NRXN3: variants seen among roughly 807,000 people sequenced by gnomAD.
The protein encoded by NRXN3 is neurexin 3.
A neutral mutation model predicts 137.6 loss-of-function variants in NRXN3; 32 were observed. That is an observed-to-expected ratio of 0.23 (90% CI 0.18 to 0.31). The LOEUF (loss-of-function observed/expected upper bound fraction) is 0.31. Among genes scored for constraint, NRXN3 ranks in the 10% least tolerant of loss-of-function variants. NRXN3 has a pLI of 1.00. For synonymous variants in NRXN3, 798 were observed against 784.5 expected (o/e 1.02, Z -0.29); for missense variants, 1,574 against 2,062.5 (o/e 0.76, Z 4.59).
In NRXN3 at chr14:79,033,222, A is replaced by C. The variant is rs150754623; in HGVS notation, c.3262+45081A>C. 5.1e-3 allele frequency among the ~76,000 whole-genome samples: 769 copies of C among 152,014 alleles called. 8 individuals carry two copies. Among genetic ancestry groups the C allele is most frequent in the African/African-American group, 0.018 (732 of 41,472 alleles). ...GATGCCCCTCTTAAATGCAGGGTTA[A>C]CCTCTATCGTACATTTCACACCTTG... On this transcript the variant is annotated intron_variant, in intron 15 of 20. Transcript: ENST00000335750.
chr14:78,495,130 T>C (rs980726922), intron 4 of NRXN3, among the ~76,000 whole-genome samples: 25 of 33,020 alleles, frequency 7.6e-4, no homozygotes, highest in Admixed American at 5.9e-3. Context: ...GGGGTGTGTG[T>C]GTGCGTGCGT....
chr14:79,677,230 ATAAT>A (rs2098645599), intron 17 of NRXN3, among the ~76,000 whole-genome samples: 1 of 152,064 alleles, frequency 6.6e-6, no homozygotes, highest in African/African-American at 2.4e-5. Context: ...ATTGCCAAGT[ATAAT>A]TAAACAAAAT....
At chr14:79,205,156 A>G (rs1158567840) in intron 15 of NRXN3, among the ~76,000 whole-genome samples, 1 of 152,232 alleles carries the variant, frequency 6.6e-6, no homozygotes, top group African/African-American at 2.4e-5. Flanking sequence ...ATTAAAATTT[A>G]TAATTGCCGC....
intron 4 of NRXN3, among the ~76,000 whole-genome samples, chr14:78,411,248 C>T (rs763129927): frequency 3.9e-5 from 6 of 152,064 alleles, no homozygotes; most frequent in African/African-American, 1.2e-4. Flanking sequence ...CTAAGCATGT[C>T]GATAGTGAAT....
chr14:78,684,995 C>T (rs2098113305), intron 6 of NRXN3, among the ~76,000 whole-genome samples: 1 of 152,124 alleles, frequency 6.6e-6, no homozygotes, highest in African/African-American at 2.4e-5. Context: ...CAGCTAGAAC[C>T]TATCTTTCTA....
At chr14:79,101,688 G>A (rs1360718280) in intron 15 of NRXN3, among the ~76,000 whole-genome samples, 1 of 152,148 alleles carries the variant, frequency 6.6e-6, no homozygotes, top group Non-Finnish European at 1.5e-5. Context: ...TATTTGCTGT[G>A]GGTTGAATTG....
intron 15 of NRXN3, chr14:79,280,178 G>T: frequency 6.6e-7 from 1 of 1,515,194 alleles, no homozygotes. Flanking sequence ...CCTCTTCCCC[G>T]AATTCTGGCA....
At chr14:79,280,624 G>A (rs1314580918) in intron 15 of NRXN3, 2 of 1,287,742 alleles carry the variant, frequency 1.6e-6, no homozygotes, top group African/African-American at 1.5e-5. Context: ...AAGGTGGGAA[G>A]GGAATTTAAA....
At chr14:79,563,853 T>C (rs1302909771) in intron 16 of NRXN3, among the ~76,000 whole-genome samples, 1 of 152,036 alleles carries the variant, frequency 6.6e-6, no homozygotes, top group Non-Finnish European at 1.5e-5. Flanking sequence ...TGATTCTGAC[T>C]GGAACACAGC....
intron 19 of NRXN3, among the ~76,000 whole-genome samples, chr14:79,800,630 T>A (rs1239927951): frequency 1.3e-5 from 2 of 152,158 alleles, no homozygotes; most frequent in African/African-American, 4.8e-5. Context: ...CTATTCTGAG[T>A]CTGAGTCTAT....
At chr14:79,232,240 C>T (rs1263634720) in intron 15 of NRXN3, among the ~76,000 whole-genome samples, 1 of 151,916 alleles carries the variant, frequency 6.6e-6, no homozygotes, top group African/African-American at 2.4e-5. Context: ...CTTGCCACGT[C>T]TTTGTGTGTG....
intron 6 of NRXN3, chr14:78,695,838 A>G (rs2098220256): frequency 2.6e-5 from 4 of 152,082 alleles, no homozygotes; most frequent in African/African-American, 7.2e-5. Context: ...AGTGGACACT[A>G]TGAGCTCGAG....
chr14:78,261,498 T>A (rs1419844836), intron 2 of NRXN3, among the ~76,000 whole-genome samples: 1 of 152,202 alleles, frequency 6.6e-6, no homozygotes, highest in African/African-American at 2.4e-5. Flanking sequence ...GTAATCTTTG[T>A]TACTGTTTTT....
chr14:78,880,990 T>C (rs913915253), intron 10 of NRXN3, among the ~76,000 whole-genome samples: 1 of 152,150 alleles, frequency 6.6e-6, no homozygotes, highest in African/African-American at 2.4e-5. Flanking sequence ...ATTACCCTTA[T>C]GCTGTTCTCA....
At chr14:78,953,014 G>A (rs1038065518) in intron 10 of NRXN3, among the ~76,000 whole-genome samples, 5 of 152,196 alleles carry the variant, frequency 3.3e-5, no homozygotes, top group Admixed American at 6.5e-5. Flanking sequence ...TGACAAACAC[G>A]TGTATGTCAG....
chr14:78,434,214 G>A (rs1370636407), intron 4 of NRXN3, among the ~76,000 whole-genome samples: 1 of 152,250 alleles, frequency 6.6e-6, no homozygotes, highest in South Asian at 2.1e-4. Flanking sequence ...TCACACCATC[G>A]TAAAGCTGAA....
chr14:79,767,832 G>A (rs1036709937), intron 19 of NRXN3, among the ~76,000 whole-genome samples: 1 of 152,174 alleles, frequency 6.6e-6, no homozygotes, highest in African/African-American at 2.4e-5. Flanking sequence ...GCAGAAGATG[G>A]GTGATTTCTG....
chr14:79,465,459 G>T (rs1006753671), intron 15 of NRXN3, among the ~76,000 whole-genome samples: 2 of 152,128 alleles, frequency 1.3e-5, no homozygotes, highest in African/African-American at 4.8e-5. Flanking sequence ...GAGCAAATTG[G>T]AGCAACTAGA....
chr14:79,142,634 C>T (rs2058909975), intron 15 of NRXN3, among the ~76,000 whole-genome samples: 1 of 152,146 alleles, frequency 6.6e-6, no homozygotes, highest in African/African-American at 2.4e-5. Flanking sequence ...AGCATTTGAG[C>T]TGCAATAGAT....
Sources: allele counts gnomAD v4.1 joint callset (sites outside exome capture counted in the v4.1 genomes callset), GRCh38; gene constraint gnomAD v4.1.1; transcripts MANE v1.5; gene names NCBI Gene and HGNC (gene_info 2026-07-23, HGNC 2026-07-21).